The following NOXRED1 variants were observed in gnomAD, a reference collection of about 807,000 sequenced individuals.
The protein encoded by NOXRED1 is NADP dependent oxidoreductase domain containing 1, also known as NADP-dependent oxidoreductase domain-containing protein 1.
NOXRED1 carries 20 observed loss-of-function variants against 30.4 expected under a neutral mutation model. That is an observed-to-expected ratio of 0.66 (90% CI 0.46 to 0.96). NOXRED1 has a LOEUF of 0.96. Among genes scored for constraint, NOXRED1 ranks in the 40% least tolerant of loss-of-function variants. The pLI is 0.00. For missense variants in NOXRED1, 374 were observed against 428.0 expected, an observed-to-expected ratio of 0.87 and a Z score of 1.11; for synonymous variants, 155 against 168.0, an observed-to-expected ratio of 0.92 and a Z score of 0.60.
chr14:77,407,018 C>T (rs1894487579), intron 3 of NOXRED1, 143 bp from the exon 4 acceptor site: 3 of 692,146 alleles, frequency 4.3e-6, no homozygotes, highest in East Asian at 5.4e-5. Context: ...GTGCTGAGAG[C>T]ACTAATTAAC....
intron 1 of NOXRED1, among the ~76,000 whole-genome samples, chr14:77,422,267 C>A (rs1317818273): frequency 6.6e-6 from 1 of 152,182 alleles, no homozygotes; most frequent in Non-Finnish European, 1.5e-5. Flanking sequence ...AGCTTTTCTG[C>A]AAATCAATAT....
chr14:77,412,992 A>G (rs574006615), intron 2 of NOXRED1, among the ~76,000 whole-genome samples: 23 of 152,252 alleles, frequency 1.5e-4, no homozygotes, highest in Non-Finnish European at 2.4e-4. Context: ...ATTTTCTACA[A>G]TATGCATATT....
chr14:77,407,867 C>CTTTTTT (rs556726067), intron 2 of NOXRED1, among the ~76,000 whole-genome samples: 1 of 137,668 alleles, frequency 7.3e-6, no homozygotes, highest in Non-Finnish European at 1.5e-5. Context: ...TATAATTCAT[C>CTTTTTT]TTTTTTTTTT....
At chr14:77,398,963 C>T (rs1372826608) in intron 5 of NOXRED1, among the ~76,000 whole-genome samples, 4 of 151,610 alleles carry the variant, frequency 2.6e-5, no homozygotes, top group East Asian at 1.9e-4. Flanking sequence ...GGCAAGACTC[C>T]GTCTCAAAAA....
chr14:77,398,742 G>A (rs535620012), intron 5 of NOXRED1, among the ~76,000 whole-genome samples: 5 of 152,196 alleles, frequency 3.3e-5, no homozygotes, highest in African/African-American at 4.8e-5. Context: ...AGGCTGAGGC[G>A]GGCAGATCAT....
chr14:77,396,776 G>A (rs1894198998), intron 5 of NOXRED1, among the ~76,000 whole-genome samples: 1 of 152,100 alleles, frequency 6.6e-6, no homozygotes. Flanking sequence ...ATAAAATGCT[G>A]ATGAAAGCAA....
chr14:77,405,321 G>C (rs1001101102), intron 5 of NOXRED1, among the ~76,000 whole-genome samples: 1 of 152,196 alleles, frequency 6.6e-6, no homozygotes, highest in African/African-American at 2.4e-5. Flanking sequence ...CTTAAAGCCG[G>C]GAGGCAGAGG....
At chr14:77,425,427 T>C (rs1315621732), upstream of NOXRED1, among the ~76,000 whole-genome samples, 1 of 152,258 alleles carries the variant, frequency 6.6e-6, no homozygotes, top group Non-Finnish European at 1.5e-5. Flanking sequence ...CTAGTGGTTC[T>C]GCTTCTCTAA....
At chr14:77,416,791 G>GC (rs1894837396) in intron 1 of NOXRED1, among the ~76,000 whole-genome samples, 1 of 150,038 alleles carries the variant, frequency 6.7e-6, no homozygotes, top group Non-Finnish European at 1.5e-5. Flanking sequence ...GGGCAGAGGC[G>GC]CCCCTCACCT....
intron 2 of NOXRED1, among the ~76,000 whole-genome samples, chr14:77,409,810 ATT>A (rs111619657): frequency 9.9e-5 from 14 of 141,336 alleles, no homozygotes; most frequent in Admixed American, 2.1e-4. Flanking sequence ...ATACCTTGAG[ATT>A]TTTTTTTTTT....
intron 2 of NOXRED1, among the ~76,000 whole-genome samples, chr14:77,412,340 A>G (rs17824034): frequency 0.46 from 70,571 of 151,848 alleles, 18,149 homozygotes; most frequent in East Asian, 0.94. Context: ...AAGGAAGAAT[A>G]GTGTAGGGTG....
At position 77,399,550 on chromosome 14, in the gene NOXRED1, T is replaced by C. The variant is rs140794581; in HGVS notation, c.906-4745A>G. Among the ~76,000 whole-genome samples the C allele has an allele frequency of 8.5e-5, 13 of 152,178 alleles. No individual in the cohort carries two copies. In the East Asian group the frequency reaches 2.1e-3, roughly 25 times the overall value. ...AGATGGAAGTTCCAGGAACCAAAAA[T>C]AAATACTACTCATTAAAAACACTGT... is the stretch of plus-strand genomic sequence containing the variant. On this transcript the variant is annotated intron_variant, in intron 5 of 5. Coordinates refer to ENST00000380835, the MANE Select transcript of NOXRED1 (RefSeq NM_001113475.3).
At chr14:77,415,662 G>A (rs547359505) in intron 1 of NOXRED1, among the ~76,000 whole-genome samples, 5 of 149,442 alleles carry the variant, frequency 3.3e-5, no homozygotes, top group Admixed American at 2.0e-4. Context: ...AGATATAGTT[G>A]TGCAACAGCT....
In NOXRED1 at chr14:77,422,820, G is replaced by A. The variant is rs953791156; in HGVS notation, c.70C>T (p.Leu24=). ...YGVPEEDRIW[L]YLQGRSRGLM... ...CCCCGAGAACGGCCCTGCAAATACA[G>A]CCAGATACGATCTTCCTCTGGAACC... The change falls in exon 1 of 6, where the codon CTG becomes TTG. Residue 24 remains leucine (L), a synonymous_variant. Coordinates refer to ENST00000380835, the MANE Select transcript of NOXRED1 (RefSeq NM_001113475.3). 4 of 1,613,618 alleles carry A rather than the reference G, an allele frequency of 2.5e-6. No individual in the cohort carries two copies. In the African/African-American group the frequency reaches 5.3e-5, roughly 22 times the overall value.
intron 5 of NOXRED1, among the ~76,000 whole-genome samples, chr14:77,395,679 T>C (rs572100861): frequency 6.6e-6 from 1 of 152,000 alleles, no homozygotes; most frequent in African/African-American, 2.4e-5. Context: ...GGGACACACC[T>C]GTAGTCCCAG....
chr14:77,415,590 A>ATAGAT (rs1754067655), intron 1 of NOXRED1, among the ~76,000 whole-genome samples: 1 of 80,738 alleles, frequency 1.2e-5, no homozygotes, highest in Non-Finnish European at 2.4e-5. Flanking sequence ...ATACATATAG[A>ATAGAT]TAGATAGATA....
intron 5 of NOXRED1, among the ~76,000 whole-genome samples, chr14:77,400,442 T>C (rs574686695): frequency 6.6e-6 from 1 of 152,354 alleles, no homozygotes; most frequent in South Asian, 2.1e-4. Context: ...CAGGAGGTTC[T>C]GATGACATGT....
chr14:77,394,767 T>C lies in NOXRED1; in HGVS notation c.944A>G (p.Lys315Arg). The C allele has an allele frequency of 6.2e-7, 1 of 1,613,840 alleles. No homozygotes were observed. Among genetic ancestry groups the C allele is most frequent in the Non-Finnish European group, 8.5e-7 (1 of 1,179,744 alleles). The change falls in exon 6 of 6, where the codon AAG becomes AGG. Residue 315 changes from lysine to arginine, a missense_variant. By Grantham distance (26) the Lys-to-Arg change is conservative (BLOSUM62 2). Transcript: ENST00000380835. ...GAGATGCTGGCTAAACGGAGTTTCC[T>C]TGAGTTGCACAGCAGTCAGATCAAA... The part of the protein sequence containing the change: ...PWFDLTAVQL[K>R]ETPFSQHLSS...
At chr14:77,411,493 T>C (rs549398334) in intron 2 of NOXRED1, among the ~76,000 whole-genome samples, 231 of 146,222 alleles carry the variant, frequency 1.6e-3, no homozygotes, top group African/African-American at 5.6e-3. Flanking sequence ...AAAAAAAAAC[T>C]TGGATATATT....
Sources: allele counts gnomAD v4.1 joint callset (sites outside exome capture counted in the v4.1 genomes callset), GRCh38; gene constraint gnomAD v4.1.1; transcripts MANE v1.5; gene names NCBI Gene and HGNC (gene_info 2026-07-23, HGNC 2026-07-21).